RNF166: variants seen among roughly 807,000 people sequenced by gnomAD.
RNF166 encodes the protein ring finger protein 166, also known as E3 ubiquitin-protein ligase RNF166.
Under a neutral mutation model 29.4 loss-of-function variants are expected in RNF166, and 19 were observed. The observed-to-expected ratio is 0.65, with a 90% CI of 0.45 to 0.95. The LOEUF (loss-of-function observed/expected upper bound fraction) is 0.95, where lower values mean the gene tolerates loss of function less well. Ranked by LOEUF, RNF166 falls within the 40% of genes least tolerant of loss-of-function variation. RNF166 has a pLI of 0.00. For missense variants in RNF166, 347 were observed against 322.1 expected, an observed-to-expected ratio of 1.08 and a Z score of -0.59; for synonymous variants, 171 against 134.5, an observed-to-expected ratio of 1.27 and a Z score of -1.88.
At chr16:88,698,102 G>T in intron 5 of RNF166, 1 of 584,178 alleles carries the variant, frequency 1.7e-6, no homozygotes, top group Non-Finnish European at 3.0e-6. Flanking sequence ...CAGGCCCGGG[G>T]GCCAGGTGTG....
Position 88,698,568 on chromosome 16 carries a change from G to C in RNF166, c.582C>G (p.Ser194Arg), listed in dbSNP as rs1403587496. 1.9e-6 allele frequency: 3 copies of C among 1,567,096 alleles called. No individual in the cohort carries two copies. The highest frequency in any genetic ancestry group is 1.2e-5 in the South Asian group (1 of 84,984). ...GCTGCAGGAAGTTGGCGCTCTTGTA[G>C]CTGGGGTCCCCCCAGGGCATTGCCG... ...ICSAMPWGDP[S>R]YKSANFLQHL... Residue 194 changes from serine (S) to arginine (R), a missense_variant, in exon 5 of 6, where the codon AGC (serine) becomes AGG (arginine). Physicochemically the swap from Ser to Arg is moderately radical, Grantham distance 110. Coordinates refer to ENST00000312838, the MANE Select transcript of RNF166 (RefSeq NM_178841.4).
intron 5 of RNF166, chr16:88,698,162 T>G: frequency 1.7e-6 from 1 of 598,762 alleles, no homozygotes. Context: ...GAGTGTTCGA[T>G]GTTGATGAAA....
At position 88,697,432 on chromosome 16, in the gene RNF166, G is replaced by A. The variant is rs1909738457; in HGVS notation, c.*136C>T. 1.4e-5 allele frequency: 9 copies of A among 637,528 alleles called. No individual in the cohort carries two copies. Among genetic ancestry groups the A allele is most frequent in the South Asian group, 6.2e-5 (3 of 48,690 alleles). The allele number at this position is 637,528 out of a possible 1,614,324, so 39.5% of individuals were successfully genotyped here. A position where few individuals can be genotyped will look rare whatever the true frequency, so the allele number is the denominator to read the frequency against. On this transcript the variant is annotated 3_prime_UTR_variant, in exon 6 of 6. Transcript: ENST00000312838. ...TATTCAGGCCCGGAGGCTCGGCCCC[G>A]GCTCCCCTTCTGCGCGGGTGCAGGC...
rs776632807 is a variant in RNF166, at chr16:88,699,587, C to G, written c.425+33G>C. On this transcript the variant is annotated intron_variant, in intron 3 of 5. Transcript: ENST00000312838. ...CCCAGAACGAGGAAACCGCCGAGGA[C>G]AGTTCCTCTCCCTTGCCCGGCAGCG... is the stretch of plus-strand genomic sequence containing the variant. 4 of 1,541,152 alleles carry G rather than the reference C, an allele frequency of 2.6e-6. No individual in the cohort carries two copies. The South Asian group carries it at 4.6e-5, about 18-fold the overall frequency.
intron 2 of RNF166, chr16:88,700,857 C>T: frequency 9.2e-7 from 1 of 1,088,282 alleles, no homozygotes; most frequent in Non-Finnish European, 1.1e-6. Flanking sequence ...GGTGCTCGGC[C>T]CTTAGATGTC....
Position 88,698,362 on chromosome 16 carries a change from G to T in RNF166, c.648+140C>A, listed in dbSNP as rs749458917. ...TGCAGGCAGCCCCCACAGAACCTGG[G>T]GGAATGTGGCCACCTGAAACGAGGC... On this transcript the variant is annotated intron_variant, in intron 5 of 5. Coordinates refer to ENST00000312838, the MANE Select transcript of RNF166 (RefSeq NM_178841.4). The T allele has an allele frequency of 3.4e-5, 26 of 757,624 alleles. No homozygotes were observed. The South Asian group carries it at 3.7e-4, about 11-fold the overall frequency. 46.9% of individuals were successfully genotyped at this position (757,624 alleles called of 1,614,324 possible). A position where few individuals can be genotyped will look rare whatever the true frequency, so the allele number is the denominator to read the frequency against.
chr16:88,700,948 G>C (rs1174342728), intron 2 of RNF166: 2 of 1,206,014 alleles, frequency 1.7e-6, no homozygotes, highest in Non-Finnish European at 2.1e-6. Flanking sequence ...AGGCTGCATT[G>C]GGAAGGTTTC....
intron 1 of RNF166, among the ~76,000 whole-genome samples, chr16:88,705,205 C>T (rs959538149): frequency 6.6e-6 from 1 of 152,212 alleles, no homozygotes; most frequent in Non-Finnish European, 1.5e-5. Flanking sequence ...AGCACACATC[C>T]ACCTAGCAGT....
intron 1 of RNF166, chr16:88,704,143 G>C (rs1258676788): frequency 1.0e-6 from 1 of 985,352 alleles, no homozygotes; most frequent in Non-Finnish European, 1.2e-6. Context: ...TCTGGTTGGG[G>C]AGCTTGCGGA....
In RNF166 at chr16:88,699,025, C is replaced by G. The variant is rs576910734; in HGVS notation, c.486G>C (p.Gln162His). The G allele has an allele frequency of 6.2e-7, 1 of 1,610,230 alleles. No individual in the cohort carries two copies. The highest frequency in any genetic ancestry group is 1.3e-5 in the African/African-American group (1 of 74,900). Reference sequence around the variant, plus strand: ...CCACACAGTGCTTCACCAGCTCCTGCTGGTCCAGGTTGCGGGCACCACAGT... The same window carrying G: ...CCACACAGTGCTTCACCAGCTCCTGGTGGTCCAGGTTGCGGGCACCACAGT... ...CPYCGARNLDQQELVKHCVES... is the reference protein window; with the variant it reads ...CPYCGARNLDHQELVKHCVES... Residue 162 changes from glutamine to histidine, a missense_variant, in exon 4 of 6, where the codon CAG (glutamine) becomes CAC (histidine). By Grantham distance (24) the Gln-to-His change is conservative. Coordinates refer to ENST00000312838, the MANE Select transcript of RNF166 (RefSeq NM_178841.4).
At chr16:88,699,551 C>T in intron 3 of RNF166, 69 bp downstream of exon 3, 1 of 1,283,056 alleles carries the variant, frequency 7.8e-7, no homozygotes, top group Non-Finnish European at 1.1e-6. Context: ...GGATGGGGCA[C>T]TGCGCTTGCT....
At chr16:88,704,930 C>A (rs1410680938) in intron 1 of RNF166, among the ~76,000 whole-genome samples, 1 of 152,158 alleles carries the variant, frequency 6.6e-6, no homozygotes, top group Non-Finnish European at 1.5e-5. Flanking sequence ...ATGGAGGTTG[C>A]GGTGAGCCGA....
chr16:88,698,048 A>G, intron 5 of RNF166: 1 of 537,512 alleles, frequency 1.9e-6, no homozygotes. Context: ...AGGGCGGCGC[A>G]GGGAGGGGCC....
intron 5 of RNF166, chr16:88,698,129 G>T: frequency 1.7e-6 from 1 of 591,608 alleles, no homozygotes; most frequent in Non-Finnish European, 3.0e-6. Flanking sequence ...ACCCGCGGCG[G>T]GTGGGAAAAG....
intron 1 of RNF166, chr16:88,704,452 G>A: frequency 1.0e-6 from 1 of 985,358 alleles, no homozygotes; most frequent in Non-Finnish European, 1.2e-6. Flanking sequence ...AATTCCATGT[G>A]GTTCTGCATT....
At chr16:88,704,751 A>T (rs1166501276) in intron 1 of RNF166, among the ~76,000 whole-genome samples, 1 of 152,202 alleles carries the variant, frequency 6.6e-6, no homozygotes, top group East Asian at 1.9e-4. Flanking sequence ...GCACTTTGGG[A>T]GGCTGAGACG....
chr16:88,698,965 G>A lies in RNF166; in HGVS notation c.540+6C>T, dbSNP rs751677312. On this transcript the variant is annotated splice_donor_region_variant and intron_variant, in intron 4 of 5. Transcript: ENST00000312838. ...GCAGGCGTCGCTTGGGGCAGGCACT[G>A]CTCACCACGCGGTTGGGGTCGCTGC... The A allele has an allele frequency of 2.2e-5, 34 of 1,575,980 alleles. No individual in the cohort carries two copies. The highest frequency in any genetic ancestry group is 2.8e-5 in the Non-Finnish European group (33 of 1,158,568).
At chr16:88,704,052 G>A (rs1045959511) in intron 1 of RNF166, 12 of 985,484 alleles carry the variant, frequency 1.2e-5, no homozygotes, top group Non-Finnish European at 1.4e-5. Flanking sequence ...GGGGCCTCCT[G>A]CGCGAGGGCT....
Position 88,703,335 on chromosome 16 carries a change from G to A in RNF166, c.156-1917C>T, listed in dbSNP as rs563926070. ...CCCTGAGCTGCCAGAGACCAGGCCGGGGCTCGGCTGCACAGCACGGCCACG... is the reference window on the plus strand; with the variant it reads ...CCCTGAGCTGCCAGAGACCAGGCCGAGGCTCGGCTGCACAGCACGGCCACG... On this transcript the variant is annotated intron_variant, in intron 1 of 5. Coordinates refer to ENST00000312838, the MANE Select transcript of RNF166 (RefSeq NM_178841.4). 49 of 985,488 alleles carry A rather than the reference G, an allele frequency of 5.0e-5. No homozygotes were observed. In the East Asian group the frequency reaches 5.0e-3, roughly 101 times the overall value. 61.0% of individuals were successfully genotyped at this position (985,488 alleles called of 1,614,324 possible). A position where few individuals can be genotyped will look rare whatever the true frequency, so the allele number is the denominator to read the frequency against.
Sources: gnomAD v4.1 joint callset for allele counts (sites outside exome capture counted in the v4.1 genomes callset) on GRCh38, gnomAD v4.1.1 for gene constraint, MANE v1.5 for transcripts, NCBI Gene and HGNC (gene_info 2026-07-23, HGNC 2026-07-21) for gene names.